STX8: variants seen among roughly 807,000 people sequenced by gnomAD.
STX8 encodes the protein syntaxin-8.
STX8 carries 23 observed loss-of-function variants against 37.5 expected under a neutral mutation model. That is an observed-to-expected ratio of 0.61 (90% CI 0.44 to 0.87). STX8 has a LOEUF of 0.87. Among genes scored for constraint, STX8 ranks in the 40% least tolerant of loss-of-function variants. STX8 has a pLI of 0.00. For missense variants in STX8, 313 were observed against 284.7 expected (o/e 1.10, Z -0.71); for synonymous variants, 115 against 99.1 (o/e 1.16, Z -0.95).
At chr17:9,319,195 G>A (rs550435660) in intron 7 of STX8, among the ~76,000 whole-genome samples, 9 of 151,758 alleles carry the variant, frequency 5.9e-5, no homozygotes, top group South Asian at 2.1e-4. Flanking sequence ...CGAGGCGGGC[G>A]GATCACAAGG....
chr17:9,528,351 G>A (rs1291296256), intron 4 of STX8, among the ~76,000 whole-genome samples: 1 of 152,168 alleles, frequency 6.6e-6, no homozygotes, highest in African/African-American at 2.4e-5. Context: ...AGGCTGGAGT[G>A]CAGTGGCGCA....
At chr17:9,524,257 T>A (rs1326944327) in intron 4 of STX8, among the ~76,000 whole-genome samples, 1 of 152,240 alleles carries the variant, frequency 6.6e-6, no homozygotes, top group Non-Finnish European at 1.5e-5. Flanking sequence ...CCTTTCAGGC[T>A]GCTATAACCA....
chr17:9,420,174 A>G (rs1196726620), intron 6 of STX8, among the ~76,000 whole-genome samples: 1 of 152,180 alleles, frequency 6.6e-6, no homozygotes, highest in African/African-American at 2.4e-5. Flanking sequence ...CAGGGACCGC[A>G]CTCAGGAAAT....
At chr17:9,494,104 CT>C (rs764170687) in intron 5 of STX8, among the ~76,000 whole-genome samples, 130 of 151,838 alleles carry the variant, frequency 8.6e-4, no homozygotes, top group Non-Finnish European at 9.6e-4. Context: ...CAAGCTCCAC[CT>C]CCCGGGTTCA....
Position 9,515,569 on chromosome 17 carries a change from C to T in STX8, c.324-10407G>A, listed in dbSNP as rs186601459. On this transcript the variant is annotated intron_variant, in intron 4 of 7. Transcript: ENST00000306357. Reference sequence around the variant, plus strand: ...ACAGGGTCTCACTCTGTCACCCAGGCGGGAGTGCAGTGGTACAATCATCTC... The same window carrying T: ...ACAGGGTCTCACTCTGTCACCCAGGTGGGAGTGCAGTGGTACAATCATCTC... 2.5e-3 allele frequency among the ~76,000 whole-genome samples: 380 copies of T among 152,248 alleles called. 3 individuals are homozygous for T. Among genetic ancestry groups the T allele is most frequent in the African/African-American group, 8.6e-3 (358 of 41,542 alleles).
At chr17:9,290,175 G>A (rs1330655300) in intron 7 of STX8, among the ~76,000 whole-genome samples, 1 of 152,222 alleles carries the variant, frequency 6.6e-6, no homozygotes, top group African/African-American at 2.4e-5. Flanking sequence ...GGAGAGTGGG[G>A]TGTAGGGGAA....
intron 3 of STX8, chr17:9,555,693 G>C (rs1287022133): frequency 6.6e-6 from 1 of 152,080 alleles, no homozygotes; most frequent in Admixed American, 6.6e-5. Flanking sequence ...TCAGGAGTTC[G>C]AGACCATCCT....
intron 6 of STX8, among the ~76,000 whole-genome samples, chr17:9,423,299 G>A (rs1913510406): frequency 1.3e-5 from 2 of 152,122 alleles, no homozygotes; most frequent in Admixed American, 1.3e-4. Context: ...TAATAATGAG[G>A]AAGCAATCTA....
intron 4 of STX8, among the ~76,000 whole-genome samples, chr17:9,532,957 A>T (rs893088582): frequency 6.6e-6 from 1 of 152,236 alleles, no homozygotes; most frequent in Non-Finnish European, 1.5e-5. Context: ...CATATATTCC[A>T]AATTTTTTTT....
intron 3 of STX8, among the ~76,000 whole-genome samples, chr17:9,546,580 C>G (rs543695949): frequency 1.0e-5 from 1 of 97,218 alleles, no homozygotes; most frequent in African/African-American, 4.1e-5. Context: ...TTGATGCAAA[C>G]TACAAAAGTG....
chr17:9,431,911 C>CCTCCAGG (rs1913999221), intron 6 of STX8, among the ~76,000 whole-genome samples: 1 of 152,118 alleles, frequency 6.6e-6, no homozygotes, highest in African/African-American at 2.4e-5. Context: ...GTTCATAAAA[C>CCTCCAGG]ATTTTGTAAT....
intron 7 of STX8, among the ~76,000 whole-genome samples, chr17:9,359,594 G>A (rs1462647845): frequency 2.1e-5 from 3 of 141,228 alleles, no homozygotes; most frequent in East Asian, 2.2e-4. Flanking sequence ...TGCAAGCTCC[G>A]CCTCCCACGT....
In STX8 at chr17:9,345,692, C is replaced by CTT. The variant is rs56831788; in HGVS notation, c.643+32858_643+32859dup. On this transcript the variant is annotated intron_variant, in intron 7 of 7. Coordinates refer to ENST00000306357, the MANE Select transcript of STX8 (RefSeq NM_004853.3). ...GTTAACATATCCCTTATCTCACATACTTTTTTTTTTTTTTTGTAGTGACAA... is the reference window on the plus strand; with the variant it reads ...GTTAACATATCCCTTATCTCACATACTTTTTTTTTTTTTTTTTGTAGTGACAA... 2.3e-3 allele frequency among the ~76,000 whole-genome samples: 318 copies of CTT among 139,850 alleles called. 1 individual carries two copies. The highest frequency in any genetic ancestry group is 7.8e-3 in the African/African-American group (302 of 38,906). 91.7% of individuals were successfully genotyped at this position (139,850 alleles called of 152,430 possible).
intron 6 of STX8, among the ~76,000 whole-genome samples, chr17:9,428,143 C>T (rs1023753899): frequency 2.6e-5 from 4 of 152,196 alleles, no homozygotes; most frequent in Admixed American, 2.6e-4. Context: ...AATCAGAGAA[C>T]AGGGGGTAGT....
chr17:9,563,430 C>T (rs564759571), intron 2 of STX8, among the ~76,000 whole-genome samples: 1 of 151,958 alleles, frequency 6.6e-6, no homozygotes, highest in East Asian at 1.9e-4. Context: ...GTGATCCACC[C>T]GCCTAGGCCT....
intron 5 of STX8, among the ~76,000 whole-genome samples, chr17:9,501,599 G>C (rs1567588352): frequency 6.6e-6 from 1 of 152,050 alleles, no homozygotes; most frequent in Non-Finnish European, 1.5e-5. Context: ...GCTGAGGCAG[G>C]AGAATCGCTT....
intron 6 of STX8, among the ~76,000 whole-genome samples, chr17:9,471,222 G>C (rs912870347): frequency 1.5e-4 from 22 of 142,782 alleles, no homozygotes; most frequent in Non-Finnish European, 3.0e-4. Context: ...CATGATCTTG[G>C]CTCACTGCAA....
At chr17:9,514,457 T>C (rs1905111047) in intron 4 of STX8, among the ~76,000 whole-genome samples, 1 of 151,872 alleles carries the variant, frequency 6.6e-6, no homozygotes, top group African/African-American at 2.4e-5. Context: ...ACACAAAAAT[T>C]AGCTAGGCAT....
At chr17:9,461,411 C>T (rs972869912) in intron 6 of STX8, 2 of 152,174 alleles carry the variant, frequency 1.3e-5, no homozygotes, top group African/African-American at 4.8e-5. Flanking sequence ...TCTAGCTCAG[C>T]TTCCTTAGAA....
Sources: gnomAD v4.1 joint callset for allele counts (sites outside exome capture counted in the v4.1 genomes callset) on GRCh38, gnomAD v4.1.1 for gene constraint, MANE v1.5 for transcripts, NCBI Gene and HGNC (gene_info 2026-07-23, HGNC 2026-07-21) for gene names.